The following DNMT1 variants were observed in gnomAD, a reference collection of about 807,000 sequenced individuals.
The protein encoded by DNMT1 is DNA methyltransferase 1.
Under a neutral mutation model 205.3 loss-of-function variants are expected in DNMT1, and 24 were observed. That is an observed-to-expected ratio of 0.12 (90% CI 0.08 to 0.16). DNMT1 has a LOEUF of 0.16. Ranked by LOEUF, DNMT1 falls within the 10% of genes least tolerant of loss-of-function variation. The pLI, the probability that DNMT1 is intolerant of heterozygous loss-of-function variation, is 1.00. For missense variants in DNMT1, 1,293 were observed against 2,177.7 expected, an observed-to-expected ratio of 0.59 and a Z score of 8.09; for synonymous variants, 817 against 839.8, an observed-to-expected ratio of 0.97 and a Z score of 0.47.
intron 11 of DNMT1, among the ~76,000 whole-genome samples, chr19:10,163,832 CAGG>C (rs1448383897): frequency 6.6e-6 from 1 of 152,108 alleles, no homozygotes; most frequent in Admixed American, 6.6e-5. Flanking sequence ...TGCTTGATGC[CAGG>C]AGTTCGAGGC....
intron 1 of DNMT1, among the ~76,000 whole-genome samples, chr19:10,190,910 T>G (rs2039290306): frequency 6.6e-6 from 1 of 151,972 alleles, no homozygotes. Flanking sequence ...ATCAAGAGTT[T>G]GAAACCAGCC....
Position 10,181,963 on chromosome 19 carries a change from A to G in DNMT1, c.117+78T>C, listed in dbSNP as rs1426036463. 3 of 1,350,832 alleles carry G rather than the reference A, an allele frequency of 2.2e-6. No homozygotes were observed. The African/African-American group carries it at 4.4e-5, about 20-fold the overall frequency. 83.7% of individuals were successfully genotyped at this position (1,350,832 alleles called of 1,614,324 possible). On this transcript the variant is annotated intron_variant, in intron 2 of 40. Transcript: ENST00000359526. ...GAAAAAATGCAAAATCCATTTAAAG[A>G]AAACAAATTTCTTTTTATGAGCCAC...
At position 10,137,332 on chromosome 19, in the gene DNMT1, C is replaced by T. The variant is rs2089506114; in HGVS notation, c.4294-52G>A. Reference sequence around the variant, plus strand: ...TCACCTCATGTGAGCAGCATCCGAGCATCCATGGTGGGCTGGGAGCTGGGA... The same window carrying T: ...TCACCTCATGTGAGCAGCATCCGAGTATCCATGGTGGGCTGGGAGCTGGGA... On this transcript the variant is annotated intron_variant, in intron 36 of 40. Transcript: ENST00000359526. The surrounding 1 kb of genome is among the most constrained non-coding windows in gnomAD (Gnocchi z 6.4). The T allele has an allele frequency of 7.7e-6, 12 of 1,557,288 alleles. No homozygotes were observed. Among genetic ancestry groups the T allele is most frequent in the Admixed American group, 1.9e-5 (1 of 52,602 alleles).
chr19:10,182,674 T>C (rs1464574469), intron 1 of DNMT1, among the ~76,000 whole-genome samples: 1 of 151,446 alleles, frequency 6.6e-6, no homozygotes, highest in Non-Finnish European at 1.5e-5. Flanking sequence ...TACAGATAGA[T>C]AGACAGACAG....
intron 25 of DNMT1, 53 bp from the exon 26 acceptor site, chr19:10,149,710 T>C: frequency 6.2e-7 from 1 of 1,611,332 alleles, no homozygotes; most frequent in Non-Finnish European, 8.5e-7. Flanking sequence ...CCAGCAGATA[T>C]GTGACCAAGT....
At chr19:10,177,739 T>A (rs1387049843) in intron 5 of DNMT1, among the ~76,000 whole-genome samples, 1 of 152,000 alleles carries the variant, frequency 6.6e-6, no homozygotes, top group Non-Finnish European at 1.5e-5. Context: ...GAGAACAGCC[T>A]GGACAACATG....
At chr19:10,144,026 A>G (rs2145276714) in intron 28 of DNMT1, 39 bp from the exon 29 acceptor site, 1 of 1,602,850 alleles carries the variant, frequency 6.2e-7, no homozygotes, top group East Asian at 2.2e-5. Context: ...TGAACCTTCC[A>G]CCTTGCAGTG....
At position 10,140,370 on chromosome 19, in the gene DNMT1, A is replaced by T. The variant is rs1486036139; in HGVS notation, c.3524-42T>A. On this transcript the variant is annotated intron_variant, in intron 32 of 40. Transcript: ENST00000359526. This position sits in a 1 kb window ranked among gnomAD's most constrained non-coding sequence, Gnocchi z 8.4. ...GAAGCCATGCTTTCAACTCTCCAGA[A>T]GATTTTTTTTTTTTTTTGAGATGGA... 3.8e-6 allele frequency: 6 copies of T among 1,599,618 alleles called. No homozygotes were observed. The highest frequency in any genetic ancestry group is 5.1e-6 in the Non-Finnish European group (6 of 1,177,072).
chr19:10,165,527 G>A (rs887301460), intron 11 of DNMT1, among the ~76,000 whole-genome samples: 3 of 152,136 alleles, frequency 2.0e-5, no homozygotes, highest in Admixed American at 6.6e-5. Flanking sequence ...CAAGTAGCTG[G>A]GATTAGAGGC....
intron 6 of DNMT1, 82 bp from the exon 7 acceptor site, chr19:10,175,700 G>A: frequency 7.4e-7 from 1 of 1,343,840 alleles, no homozygotes. Flanking sequence ...TCATTCACCA[G>A]GATGTTGAAA....
intron 1 of DNMT1, among the ~76,000 whole-genome samples, chr19:10,193,746 C>A (rs140069079): frequency 6.6e-6 from 1 of 151,842 alleles, no homozygotes; most frequent in African/African-American, 2.4e-5. Context: ...AAATCAGAAC[C>A]GGACTGGCCC....
rs768833578 is a variant in DNMT1, at chr19:10,151,589, G to C, written c.2118-44C>G. On this transcript the variant is annotated intron_variant, in intron 23 of 40. Coordinates refer to ENST00000359526, the MANE Select transcript of DNMT1 (RefSeq NM_001130823.3). This position sits in a 1 kb window ranked among gnomAD's most constrained non-coding sequence, Gnocchi z 5.0. ...TACCTAAGGCCCCTTTTCTAAGTAA[G>C]ACCAACCGGGGCTGTTTTCTTCATA... The C allele has an allele frequency of 1.1e-5, 17 of 1,612,144 alleles. No homozygotes were observed. The highest frequency in any genetic ancestry group is 1.4e-5 in the Non-Finnish European group (17 of 1,180,018).
chr19:10,188,019 G>A (rs1354291671), intron 1 of DNMT1, among the ~76,000 whole-genome samples: 1 of 151,698 alleles, frequency 6.6e-6, no homozygotes, highest in African/African-American at 2.4e-5. Context: ...GCATGCACCT[G>A]TGGTCCTAGC....
In DNMT1 at chr19:10,149,563, C is replaced by G. The variant is rs2038290077; in HGVS notation, c.2476G>C (p.Asp826His). The change falls in exon 26 of 41, where the codon GAC (aspartate) becomes CAC (histidine). Residue 826 changes from aspartate to histidine, a missense_variant. Transcript: ENST00000359526. ...TCCACCAAGAACAGCTCCAGAGGGT[C>G]CGACGTGGCCCCGAGGACTGTGTCT... The part of the protein sequence containing the change: ...GTDTVLGATS[D>H]PLELFLVDEC... The G allele has an allele frequency of 6.2e-7, 1 of 1,613,834 alleles. No individual in the cohort carries two copies. The highest frequency in any genetic ancestry group is 2.2e-5 in the East Asian group (1 of 44,882).
intron 6 of DNMT1, among the ~76,000 whole-genome samples, chr19:10,176,840 A>C (rs1264958061): frequency 6.6e-6 from 1 of 152,192 alleles, no homozygotes; most frequent in African/African-American, 2.4e-5. Flanking sequence ...CCTGGGTGAC[A>C]GCCAGATGCT....
intron 1 of DNMT1, among the ~76,000 whole-genome samples, chr19:10,194,233 G>A (rs757934414): frequency 6.6e-6 from 1 of 152,230 alleles, no homozygotes; most frequent in Non-Finnish European, 1.5e-5. Context: ...CCAACTGACA[G>A]AATGAGTACC....
chr19:10,138,348 C>T lies in DNMT1; in HGVS notation c.4115+91G>A. On this transcript the variant is annotated intron_variant, in intron 35 of 40. Coordinates refer to ENST00000359526, the MANE Select transcript of DNMT1 (RefSeq NM_001130823.3). This position sits in a 1 kb window ranked among gnomAD's most constrained non-coding sequence, Gnocchi z 4.1. Reference sequence around the variant, plus strand: ...AGGGCAGATGCTGTACCATCCTCTCCTCCCCAAGCCTCACCAGGGAGTACT... The same window carrying T: ...AGGGCAGATGCTGTACCATCCTCTCTTCCCCAAGCCTCACCAGGGAGTACT... 6.3e-7 allele frequency: 1 copy of T among 1,592,120 alleles called. No individual in the cohort carries two copies. Among genetic ancestry groups the T allele is most frequent in the Non-Finnish European group, 8.6e-7 (1 of 1,167,666 alleles).
At chr19:10,169,046 C>T (rs932408346) in intron 9 of DNMT1, among the ~76,000 whole-genome samples, 5 of 152,072 alleles carry the variant, frequency 3.3e-5, no homozygotes, top group African/African-American at 4.8e-5. Context: ...TCACGTTGGC[C>T]AGACTGGTCT....
At chr19:10,158,576 C>A (rs1163455832) in intron 17 of DNMT1, among the ~76,000 whole-genome samples, 1 of 152,214 alleles carries the variant, frequency 6.6e-6, no homozygotes, top group African/African-American at 2.4e-5. Flanking sequence ...TGGAGGGTAA[C>A]TGCACCCGCA....
Sources: allele counts gnomAD v4.1 joint callset (sites outside exome capture counted in the v4.1 genomes callset), GRCh38; gene constraint gnomAD v4.1.1; non-coding constraint Gnocchi (gnomAD v3.1); transcripts MANE v1.5; gene names NCBI Gene and HGNC (gene_info 2026-07-23, HGNC 2026-07-21).